Variants in SELP observed in about 807,000 individuals in gnomAD.
SELP encodes the protein selectin P.
In SELP, 92 loss-of-function variants were observed where a neutral mutation model predicts 104.1. That is an observed-to-expected ratio of 0.88 (90% CI 0.75 to 1.05). SELP has a LOEUF of 1.05. SELP is among the 50% of genes least tolerant of loss of function. The pLI is 0.00. For missense variants in SELP, 1,022 were observed against 1,017.3 expected (o/e 1.00, Z -0.06); for synonymous variants, 397 against 364.5 (o/e 1.09, Z -1.01).
At chr1:169,621,973 G>A (rs1663158440) in intron 1 of SELP, among the ~76,000 whole-genome samples, 1 of 152,060 alleles carries the variant, frequency 6.6e-6, no homozygotes. Flanking sequence ...CTTCCCAAGG[G>A]GTTCACAAGC....
intron 8 of SELP, among the ~76,000 whole-genome samples, chr1:169,609,098 A>T (rs1412042031): frequency 6.6e-6 from 1 of 151,894 alleles, no homozygotes; most frequent in Non-Finnish European, 1.5e-5. Context: ...GGCTGATAAT[A>T]GTAGCCCCAT....
chr1:169,612,507 G>C, intron 5 of SELP, 105 bp from the exon 6 acceptor site: 1 of 996,392 alleles, frequency 1.0e-6, no homozygotes, highest in Non-Finnish European at 1.5e-6. Context: ...AAAGTGGCAG[G>C]CAGGTTGATG....
rs1285158870 is a variant in SELP at position 169,589,481 on chromosome 1, G to A, written c.*2-20C>T. The A allele has an allele frequency of 6.6e-6, 1 of 152,268 alleles. No individual in the cohort carries two copies. The highest frequency in any genetic ancestry group is 1.5e-5 in the Non-Finnish European group (1 of 68,126). The allele number at this position is 152,268 out of a possible 1,614,324, so 9.4% of individuals were successfully genotyped here. A position where few individuals can be genotyped will look rare whatever the true frequency, so the allele number is the denominator to read the frequency against. On this transcript the variant is annotated intron_variant, in intron 16 of 16. Transcript: ENST00000263686. The stretch of plus-strand genomic sequence containing the variant: ...GGAAACCTGCAGCAAATGCATTATA[G>A]TTAAGTCCAGTGTAGCAGGAAACTT...
chr1:169,605,546 TC>T (rs1208036619), intron 9 of SELP, among the ~76,000 whole-genome samples: 1 of 152,104 alleles, frequency 6.6e-6, no homozygotes, highest in Non-Finnish European at 1.5e-5. Context: ...GTGAGTGGTT[TC>T]CTTTTAGTAA....
At chr1:169,596,239 G>A (rs953192962) in intron 11 of SELP, 105 bp from the exon 12 acceptor site, 36 of 993,238 alleles carry the variant, frequency 3.6e-5, no homozygotes, top group Middle Eastern at 2.3e-4. Context: ...TTCATAACAA[G>A]GGAGGCTCCT....
rs879181764 is a variant in SELP at position 169,603,307 on chromosome 1, C to CTCTCTCTGTGTG, written c.1520-97_1520-96insCACACAGAGAGA. The CTCTCTCTGTGTG allele has an allele frequency of 5.1e-5, 31 of 605,690 alleles. No individual in the cohort carries two copies. The African/African-American group carries it at 6.3e-4, about 12-fold the overall frequency. The allele number at this position is 605,690 out of a possible 1,614,324, so 37.5% of individuals were successfully genotyped here. A position where few individuals can be genotyped will look rare whatever the true frequency, so the allele number is the denominator to read the frequency against. On this transcript the variant is annotated intron_variant, in intron 9 of 16. Coordinates refer to ENST00000263686, the MANE Select transcript of SELP (RefSeq NM_003005.4). ...TCTCTCTCTTTCTCCCTCTCTCTCT[C>CTCTCTCTGTGTG]TGTGTGTGTGTGTGTGTGTGTGTGT...
chr1:169,606,692 C>T (rs897833078), intron 9 of SELP, among the ~76,000 whole-genome samples: 1 of 152,136 alleles, frequency 6.6e-6, no homozygotes, highest in Non-Finnish European at 1.5e-5. Context: ...TGGGTAAAGA[C>T]CCTGATAAGG....
intron 10 of SELP, among the ~76,000 whole-genome samples, chr1:169,600,989 G>T (rs756823560): frequency 6.6e-6 from 1 of 152,234 alleles, no homozygotes; most frequent in Middle Eastern, 3.2e-3. Context: ...AGAAAGGGGG[G>T]CTGGAAAGTA....
At chr1:169,608,985 A>T (rs1334582367) in intron 8 of SELP, among the ~76,000 whole-genome samples, 1 of 152,178 alleles carries the variant, frequency 6.6e-6, no homozygotes, top group East Asian at 1.9e-4. Flanking sequence ...GTGATTTATA[A>T]GGTAACATGT....
chr1:169,609,528 T>TC lies in SELP; in HGVS notation c.1308dup (p.Thr437AspfsTer20), dbSNP rs776322100. 5.6e-6 allele frequency: 9 copies of TC among 1,613,712 alleles called. No individual in the cohort carries two copies. Among genetic ancestry groups the TC allele is most frequent in the South Asian group, 4.4e-5 (4 of 91,068 alleles). The stretch of plus-strand genomic sequence containing the variant: ...CCTTGACAGACTGGGGCTGGTGCTG[T>TC]CCACTGTCCCAAGTTATCACACCGA... On this transcript the variant is annotated frameshift_variant, in exon 8 of 17. Coordinates refer to ENST00000263686, the MANE Select transcript of SELP (RefSeq NM_003005.4). LOFTEE classifies it high-confidence loss of function.
In SELP at chr1:169,612,388, G is replaced by A. The variant is rs143090272; in HGVS notation, c.790C>T (p.Pro264Ser). 3 of 1,614,100 alleles carry A rather than the reference G, an allele frequency of 1.9e-6. No individual in the cohort carries two copies. The highest frequency in any genetic ancestry group is 2.5e-6 in the Non-Finnish European group (3 of 1,179,982). Residue 264 changes from proline to serine, a missense_variant, in exon 6 of 17, where the codon CCC (proline) becomes TCC (serine). Pro to Ser is a moderately conservative substitution (Grantham distance 74, BLOSUM62 -1). Coordinates refer to ENST00000263686, the MANE Select transcript of SELP (RefSeq NM_003005.4). The part of the protein sequence containing the change: ...PPQCLAAQCP[P>S]LKIPERGNMT... ...TTTCCTCGTTCAGGAATCTTCAGGG[G>A]TGGGCACTGGGCAGCTAAAACCAAC...
intron 7 of SELP, among the ~76,000 whole-genome samples, chr1:169,609,990 G>A (rs189423200): frequency 3.9e-4 from 59 of 152,082 alleles, no homozygotes; most frequent in East Asian, 2.3e-3. Flanking sequence ...CTGTTCTTGC[G>A]CTGTTCATAC....
chr1:169,592,419 C>T (rs559273535), intron 14 of SELP, among the ~76,000 whole-genome samples: 2 of 152,270 alleles, frequency 1.3e-5, no homozygotes, highest in South Asian at 4.1e-4. Context: ...AATGAGATCT[C>T]TTTCAGATAT....
In SELP at chr1:169,617,116, G is replaced by A. The variant is rs374152128; in HGVS notation, c.393C>T (p.Cys131=). 52 of 1,613,772 alleles carry A rather than the reference G, an allele frequency of 3.2e-5. No individual in the cohort carries two copies. In the African/African-American group the frequency reaches 3.9e-4, roughly 12 times the overall value. ...EPNNKRNNED[C]VEIYIKSPSA... ...ACGGACTCTTGATGTATATCTCCAC[G>A]CAGTCCTCGTTGTTCCTTTTGTTGT... The change falls in exon 3 of 17, where the codon TGC becomes TGT. Residue 131 remains cysteine, a synonymous_variant. Coordinates refer to ENST00000263686, the MANE Select transcript of SELP (RefSeq NM_003005.4).
chr1:169,609,704 T>C lies in SELP; in HGVS notation c.1148-15A>G. ...ACACGAAATAGCTAAGTGGAAAAGG[T>C]ATCTTCTAAAGCCAGGTAATGGAAG... On this transcript the variant is annotated splice_polypyrimidine_tract_variant and intron_variant, in intron 7 of 16. Coordinates refer to ENST00000263686, the MANE Select transcript of SELP (RefSeq NM_003005.4). 1 of 1,601,292 alleles carries C rather than the reference T, an allele frequency of 6.2e-7. No homozygotes were observed. Among genetic ancestry groups the C allele is most frequent in the East Asian group, 2.2e-5 (1 of 44,706 alleles).
intron 9 of SELP, among the ~76,000 whole-genome samples, chr1:169,604,221 A>T (rs1662066237): frequency 6.6e-6 from 1 of 151,316 alleles, no homozygotes; most frequent in South Asian, 2.1e-4. Flanking sequence ...GCATTTTTTC[A>T]TGTGTCTTTT....
intron 1 of SELP, among the ~76,000 whole-genome samples, chr1:169,623,201 A>T (rs1663220762): frequency 6.6e-6 from 1 of 152,076 alleles, no homozygotes; most frequent in African/African-American, 2.4e-5. Flanking sequence ...ATTCAGACAG[A>T]TTGCAGAAGG....
chr1:169,624,815 G>A (rs1271465880), intron 1 of SELP, among the ~76,000 whole-genome samples: 3 of 152,132 alleles, frequency 2.0e-5, no homozygotes, highest in African/African-American at 7.2e-5. Flanking sequence ...GAAAGTGGAA[G>A]AAGCAAATGC....
chr1:169,599,909 A>C (rs1457980080), intron 10 of SELP, among the ~76,000 whole-genome samples: 1 of 152,292 alleles, frequency 6.6e-6, no homozygotes, highest in East Asian at 1.9e-4. Context: ...AGACATTAGG[A>C]GTTGGGTTCA....
Sources: allele counts gnomAD v4.1 joint callset (sites outside exome capture counted in the v4.1 genomes callset), GRCh38; gene constraint gnomAD v4.1.1; transcripts MANE v1.5; gene names NCBI Gene and HGNC (gene_info 2026-07-23, HGNC 2026-07-21).